Variants in CELF1 observed in about 807,000 individuals in gnomAD.
CELF1 encodes the protein 50 kDa nuclear polyadenylated RNA-binding protein.
A neutral mutation model predicts 61.8 loss-of-function variants in CELF1; 10 were observed. The ratio of observed to expected loss-of-function variants is 0.16; its 90% CI spans 0.10 to 0.27. The LOEUF (loss-of-function observed/expected upper bound fraction) is 0.27. Ranked by LOEUF, CELF1 falls within the 10% of genes least tolerant of loss-of-function variation. CELF1 has a pLI of 1.00. For synonymous variants in CELF1, 236 were observed against 225.1 expected, an observed-to-expected ratio of 1.05 and a Z score of -0.43; for missense variants, 380 against 639.1, an observed-to-expected ratio of 0.59 and a Z score of 4.37.
Position 47,475,388 on chromosome 11 carries a change from G to T in CELF1, c.1221C>A (p.Asn407Lys). The T allele has an allele frequency of 6.2e-7, 1 of 1,614,052 alleles. No homozygotes were observed. Reference protein sequence around the residue: ...YAAAALPTLYNQNLLTQQSIG... With the variant: ...YAAAALPTLYKQNLLTQQSIG... The stretch of plus-strand genomic sequence containing the variant: ...TACTCTGCTGTGTCAGAAGATTCTG[G>T]TTGTACAGAGTGGGGAGCGCAGCAG... The change falls in exon 13 of 15, where the codon AAC becomes AAA. Residue 407 changes from asparagine (N) to lysine (K), a missense_variant. Asn to Lys is a moderately conservative substitution (Grantham distance 94). Coordinates refer to ENST00000687097, the MANE Select transcript of CELF1 (RefSeq NM_001376376.1).
At chr11:47,552,831 C>G (rs1312904362) in intron 1 of CELF1, among the ~76,000 whole-genome samples, 161 bp downstream of exon 1, 1 of 152,180 alleles carries the variant, frequency 6.6e-6, no homozygotes, top group African/African-American at 2.4e-5. Flanking sequence ...AGGAGGAGAT[C>G]GCAGCCCTAC....
At chr11:47,474,607 A>G (rs1470930231) in intron 13 of CELF1, among the ~76,000 whole-genome samples, 1 of 152,236 alleles carries the variant, frequency 6.6e-6, no homozygotes, top group Non-Finnish European at 1.5e-5. Flanking sequence ...CCTAGGGGAT[A>G]TAAGTGATTC....
intron 1 of CELF1, among the ~76,000 whole-genome samples, chr11:47,530,145 T>C (rs1423151030): frequency 6.6e-6 from 1 of 152,196 alleles, no homozygotes; most frequent in African/African-American, 2.4e-5. Context: ...AAACTCAAAA[T>C]GTGACATATG....
At chr11:47,476,673 A>G (rs532429039) in intron 12 of CELF1, among the ~76,000 whole-genome samples, 173 bp downstream of exon 12, 5 of 152,212 alleles carry the variant, frequency 3.3e-5, no homozygotes, top group South Asian at 4.1e-4. Context: ...TGATTCGCCC[A>G]CCTTGACCTC....
At chr11:47,505,997 C>A (rs1023232921) in intron 1 of CELF1, among the ~76,000 whole-genome samples, 75 of 150,504 alleles carry the variant, frequency 5.0e-4, no homozygotes, top group African/African-American at 1.5e-3. Flanking sequence ...TTAGTACGTG[C>A]ATGGAATCTA....
intron 1 of CELF1, among the ~76,000 whole-genome samples, chr11:47,545,897 G>GTATATATA (rs2096929079): frequency 2.4e-5 from 3 of 127,494 alleles, no homozygotes; most frequent in African/African-American, 3.3e-5. Context: ...GTGTGTGTGT[G>GTATATATA]TGTGTGTGTA....
rs991264219 is a variant in CELF1, at chr11:47,466,171, T to C, written c.*6059A>G. The C allele has an allele frequency of 2.0e-5, 3 of 152,250 alleles. No individual in the cohort carries two copies. Among genetic ancestry groups the C allele is most frequent in the Admixed American group, 2.0e-4 (3 of 15,280 alleles). The allele number at this position is 152,250 out of a possible 1,614,324, so 9.4% of individuals were successfully genotyped here. A position where few individuals can be genotyped will look rare whatever the true frequency, so the allele number is the denominator to read the frequency against. ...AAATTCACTACACAAACTCTGTGATTAGGTAAGAAAAGCGACGAGGGCTCT... is the reference window on the plus strand; with the variant it reads ...AAATTCACTACACAAACTCTGTGATCAGGTAAGAAAAGCGACGAGGGCTCT... On this transcript the variant is annotated 3_prime_UTR_variant, in exon 15 of 15. Coordinates refer to ENST00000687097, the MANE Select transcript of CELF1 (RefSeq NM_001376376.1).
At chr11:47,553,879 C>G (rs775994166), upstream of CELF1, among the ~76,000 whole-genome samples, 35 of 151,474 alleles carry the variant, frequency 2.3e-4, no homozygotes, top group Admixed American at 4.6e-4. Context: ...CTCTGGAATC[C>G]CTGGGTCTAG....
intron 2 of CELF1, among the ~76,000 whole-genome samples, chr11:47,558,576 T>C (rs55752992): frequency 9.4e-6 from 1 of 106,368 alleles, no homozygotes; most frequent in Non-Finnish European, 1.7e-5. Flanking sequence ...AATATATAAA[T>C]ATATATATAT....
rs996181010 is a variant in CELF1, at chr11:47,542,787, C to G, written c.-154+10205G>C. Reference sequence around the variant, plus strand: ...TGCTGGGATTAAAGGCGTGAGCCACCGTGCTCAGCTTTACAACATATCAAC... The same window carrying G: ...TGCTGGGATTAAAGGCGTGAGCCACGGTGCTCAGCTTTACAACATATCAAC... On this transcript the variant is annotated intron_variant, in intron 1 of 14. Coordinates refer to ENST00000687097, the MANE Select transcript of CELF1 (RefSeq NM_001376376.1). Among the ~76,000 whole-genome samples, 8 of 152,238 alleles carry G rather than the reference C, an allele frequency of 5.3e-5. 1 individual carries two copies. The South Asian group carries it at 8.3e-4, about 16-fold the overall frequency.
chr11:47,475,367 C>A lies in CELF1; in HGVS notation c.1242G>T (p.Gln414His). 2 of 1,613,972 alleles carry A rather than the reference C, an allele frequency of 1.2e-6. No homozygotes were observed. The highest frequency in any genetic ancestry group is 1.7e-6 in the Non-Finnish European group (2 of 1,180,024). Reference sequence around the variant, plus strand: ...TCTGGCTTCCAGCAGCACCAATACTCTGCTGTGTCAGAAGATTCTGGTTGT... The same window carrying A: ...TCTGGCTTCCAGCAGCACCAATACTATGCTGTGTCAGAAGATTCTGGTTGT... ...TLYNQNLLTQ[Q>H]SIGAAGSQKE... Residue 414 changes from glutamine (Q) to histidine (H), a missense_variant, in exon 13 of 15, where the codon CAG (glutamine) becomes CAT (histidine). Transcript: ENST00000687097.
upstream of CELF1, among the ~76,000 whole-genome samples, chr11:47,556,983 T>C (rs956538233): frequency 2.0e-5 from 3 of 152,140 alleles, no homozygotes; most frequent in African/African-American, 7.2e-5. Flanking sequence ...CACTGCAATG[T>C]CTGCCTCTCA....
chr11:47,481,846 T>C (rs903839366), intron 9 of CELF1, among the ~76,000 whole-genome samples: 3 of 152,268 alleles, frequency 2.0e-5, no homozygotes, highest in Non-Finnish European at 4.4e-5. Flanking sequence ...AAAGGAAGTC[T>C]ATTTACAATG....
At chr11:47,531,567 TCAAA>T (rs112404433) in intron 1 of CELF1, among the ~76,000 whole-genome samples, 170 of 151,082 alleles carry the variant, frequency 1.1e-3, no homozygotes, top group African/African-American at 3.4e-3. Flanking sequence ...AGACTCCATC[TCAAA>T]CAAACAAACA....
At chr11:47,544,168 G>T (rs1403085905) in intron 1 of CELF1, among the ~76,000 whole-genome samples, 1 of 152,116 alleles carries the variant, frequency 6.6e-6, no homozygotes, top group Non-Finnish European at 1.5e-5. Flanking sequence ...CTCATAAAAG[G>T]GAACAAAAGG....
At chr11:47,565,078 C>T (rs569298416) in intron 1 of CELF1, among the ~76,000 whole-genome samples, 1 of 152,232 alleles carries the variant, frequency 6.6e-6, no homozygotes, top group South Asian at 2.1e-4. Flanking sequence ...TGTTTGAAAG[C>T]TCTAAGCCCT....
intron 1 of CELF1, among the ~76,000 whole-genome samples, chr11:47,527,816 CCAGGT>C (rs2096302621): frequency 6.6e-6 from 1 of 152,278 alleles, no homozygotes; most frequent in Non-Finnish European, 1.5e-5. Flanking sequence ...ACAAAGCAGG[CCAGGT>C]GTGGTGGCTC....
intron 1 of CELF1, among the ~76,000 whole-genome samples, chr11:47,520,645 C>A (rs1471977394): frequency 1.3e-5 from 2 of 151,908 alleles, no homozygotes; most frequent in Non-Finnish European, 2.9e-5. Flanking sequence ...CTACCTCTAC[C>A]CAAAAAATAC....
chr11:47,476,604 T>C (rs1361901386), intron 12 of CELF1, among the ~76,000 whole-genome samples: 1 of 152,106 alleles, frequency 6.6e-6, no homozygotes, highest in Non-Finnish European at 1.5e-5. Flanking sequence ...TTTTTTGTAT[T>C]TTTAGGGGAG....
Sources: allele counts gnomAD v4.1 joint callset (sites outside exome capture counted in the v4.1 genomes callset), GRCh38; gene constraint gnomAD v4.1.1; transcripts MANE v1.5; gene names NCBI Gene and HGNC (gene_info 2026-07-23, HGNC 2026-07-21).